Variants in FAM193A observed in about 807,000 individuals in gnomAD.
FAM193A encodes the protein protein FAM193A.
In FAM193A, 22 loss-of-function variants were observed where a neutral mutation model predicts 126.5. The ratio of observed to expected loss-of-function variants is 0.17; its 90% CI spans 0.12 to 0.25. FAM193A has a LOEUF of 0.25. FAM193A is among the 10% of genes least tolerant of loss of function. The pLI, the probability that FAM193A is intolerant of heterozygous loss-of-function variation, is 1.00. For missense variants in FAM193A, 1,675 were observed against 1,672.8 expected (o/e 1.00, Z -0.02); for synonymous variants, 761 against 646.8 (o/e 1.18, Z -2.68).
At chr4:2,613,263 C>T (rs936168386) in intron 2 of FAM193A, among the ~76,000 whole-genome samples, 9 of 151,820 alleles carry the variant, frequency 5.9e-5, no homozygotes, top group African/African-American at 2.2e-4. Context: ...ATAGTGAGAT[C>T]CTGGTTTTAC....
At chr4:2,632,287 C>A (rs1450655138) in intron 5 of FAM193A, among the ~76,000 whole-genome samples, 15 of 152,078 alleles carry the variant, frequency 9.9e-5, no homozygotes, top group African/African-American at 3.6e-4. Flanking sequence ...ACATACAGCC[C>A]GGGTGTGGTG....
At chr4:2,563,325 T>C (rs1259094162) in intron 1 of FAM193A, among the ~76,000 whole-genome samples, 1 of 152,190 alleles carries the variant, frequency 6.6e-6, no homozygotes, top group Non-Finnish European at 1.5e-5. Context: ...TTTGTATGCA[T>C]GACACAGCTG....
intron 1 of FAM193A, among the ~76,000 whole-genome samples, chr4:2,540,952 CTG>C (rs1319411797): frequency 2.1e-5 from 3 of 144,786 alleles, no homozygotes; most frequent in Admixed American, 7.0e-5. Context: ...CAGTGCAAGA[CTG>C]TGTCTCAAAA....
intron 20 of FAM193A, among the ~76,000 whole-genome samples, chr4:2,729,188 G>T (rs1240170079): frequency 6.6e-6 from 1 of 152,114 alleles, no homozygotes; most frequent in Non-Finnish European, 1.5e-5. Context: ...TGGGCAAGTG[G>T]GCTCAAGCAT....
At chr4:2,714,673 G>T (rs974096642) in intron 19 of FAM193A, among the ~76,000 whole-genome samples, 1 of 152,160 alleles carries the variant, frequency 6.6e-6, no homozygotes, top group Admixed American at 6.6e-5. Context: ...CTTGCCTGGT[G>T]CTGTGTGAGT....
chr4:2,687,171 C>T (rs1251919781), intron 13 of FAM193A, among the ~76,000 whole-genome samples: 3 of 152,160 alleles, frequency 2.0e-5, no homozygotes, highest in East Asian at 3.9e-4. Flanking sequence ...CTCTCTGCTC[C>T]GAAGCACTGT....
At chr4:2,636,952 C>G (rs1378732810) in intron 5 of FAM193A, among the ~76,000 whole-genome samples, 1 of 152,024 alleles carries the variant, frequency 6.6e-6, no homozygotes, top group Admixed American at 6.5e-5. Flanking sequence ...AGAATGCCCT[C>G]ACGTGAGGTT....
intron 7 of FAM193A, among the ~76,000 whole-genome samples, chr4:2,649,373 T>TAAA (rs1560520741): frequency 7.7e-6 from 1 of 129,050 alleles, no homozygotes; most frequent in African/African-American, 3.3e-5. Context: ...AGACCCTGTC[T>TAAA]GAAAAAAAAA....
At chr4:2,641,028 C>A (rs1007326202) in intron 6 of FAM193A, among the ~76,000 whole-genome samples, 1 of 151,786 alleles carries the variant, frequency 6.6e-6, no homozygotes, top group Admixed American at 6.6e-5. Flanking sequence ...TTGACTACAC[C>A]AGTTATTGCT....
upstream of FAM193A, among the ~76,000 whole-genome samples, chr4:2,536,090 G>A (rs1736855597): frequency 6.6e-6 from 1 of 151,782 alleles, no homozygotes; most frequent in Non-Finnish European, 1.5e-5. Context: ...CCAGGGCCGC[G>A]CCGCGCCGCC....
rs1720526108 is a variant in FAM193A at position 2,724,658 on chromosome 4, T to C, written c.4455-7117T>C. On this transcript the variant is annotated intron_variant, in intron 20 of 20. Coordinates refer to ENST00000637812, the MANE Select transcript of FAM193A (RefSeq NM_001366318.2). ...GAGCCCAGGAGTTTGAGGTGTGAGC[T>C]GCGATTGTGCCGCTGCACTCCAGCT... Among the ~76,000 whole-genome samples the C allele has an allele frequency of 2.0e-5, 3 of 152,148 alleles. No homozygotes were observed. The South Asian group carries it at 6.2e-4, about 32-fold the overall frequency.
chr4:2,625,468 G>A (rs1742855964), intron 3 of FAM193A, 73 bp downstream of exon 3: 10 of 614,862 alleles, frequency 1.6e-5, no homozygotes, highest in East Asian at 5.7e-5. Context: ...GGAGCTGGAC[G>A]GAGAAACTGG....
intron 1 of FAM193A, among the ~76,000 whole-genome samples, chr4:2,543,454 A>G (rs574999976): frequency 6.6e-6 from 1 of 152,106 alleles, no homozygotes; most frequent in East Asian, 1.9e-4. Flanking sequence ...CCCAGCATTT[A>G]GGGAGGCCAG....
intron 19 of FAM193A, among the ~76,000 whole-genome samples, chr4:2,710,451 G>A (rs1718820141): frequency 6.6e-6 from 1 of 151,808 alleles, no homozygotes; most frequent in Non-Finnish European, 1.5e-5. Context: ...GGGATTACAG[G>A]TGGGAGCCAC....
rs184437913 is a variant in FAM193A at position 2,686,657 on chromosome 4, A to G, written c.2332-2849A>G. On this transcript the variant is annotated intron_variant, in intron 13 of 20. Coordinates refer to ENST00000637812, the MANE Select transcript of FAM193A (RefSeq NM_001366318.2). Reference sequence around the variant, plus strand: ...CCCAGGCTCTCAGCCAGGCTTTTCAAACCTGAAACCAAACAACTCATGGTC... The same window carrying G: ...CCCAGGCTCTCAGCCAGGCTTTTCAGACCTGAAACCAAACAACTCATGGTC... Among the ~76,000 whole-genome samples the G allele has an allele frequency of 2.6e-5, 4 of 152,306 alleles. No homozygotes were observed. In the East Asian group the frequency reaches 5.8e-4, roughly 22 times the overall value.
intron 19 of FAM193A, among the ~76,000 whole-genome samples, chr4:2,713,422 T>G (rs879941255): frequency 6.6e-6 from 1 of 152,030 alleles, no homozygotes; most frequent in Non-Finnish European, 1.5e-5. Flanking sequence ...AAAAAAAAAT[T>G]GGGGTATTAG....
At chr4:2,623,903 T>C (rs1355625779) in intron 2 of FAM193A, among the ~76,000 whole-genome samples, 3 of 152,054 alleles carry the variant, frequency 2.0e-5, no homozygotes, top group African/African-American at 7.2e-5. Context: ...GGGGATGCAA[T>C]GATTATGGAG....
At chr4:2,693,429 A>G (rs925259753) in intron 15 of FAM193A, among the ~76,000 whole-genome samples, 157 bp from the exon 16 acceptor site, 1 of 152,232 alleles carries the variant, frequency 6.6e-6, no homozygotes. Flanking sequence ...GTGTGCCTGT[A>G]AGAAATAAAG....
chr4:2,718,820 C>T (rs185403405), intron 20 of FAM193A, among the ~76,000 whole-genome samples: 56 of 151,988 alleles, frequency 3.7e-4, no homozygotes, highest in Admixed American at 2.7e-3. Flanking sequence ...ACACTGGGAA[C>T]AACTTCATTA....
Sources: gnomAD v4.1 joint callset for allele counts (sites outside exome capture counted in the v4.1 genomes callset) on GRCh38, gnomAD v4.1.1 for gene constraint, MANE v1.5 for transcripts, NCBI Gene and HGNC (gene_info 2026-07-23, HGNC 2026-07-21) for gene names.